The following METTL15 variants were observed in gnomAD, a reference collection of about 807,000 sequenced individuals.
METTL15 encodes methyltransferase 15, mitochondrial 12S rRNA N4-cytidine.
In METTL15, 34 loss-of-function variants were observed where a neutral mutation model predicts 38.3. The ratio of observed to expected loss-of-function variants is 0.89; its 90% CI spans 0.68 to 1.18. METTL15 has a LOEUF of 1.18. Ranked by LOEUF, METTL15 falls within the 50% of genes most tolerant of loss-of-function variation. METTL15 has a pLI of 0.00. For synonymous variants in METTL15, 162 were observed against 170.9 expected (o/e 0.95, Z 0.41); for missense variants, 438 against 498.4 (o/e 0.88, Z 1.15).
chr11:28,532,028 C>T (rs1248892896), downstream of METTL15, among the ~76,000 whole-genome samples: 5 of 152,076 alleles, frequency 3.3e-5, no homozygotes, highest in Admixed American at 6.6e-5. Context: ...TTTAGAAAAA[C>T]GTTAATTTTT....
At chr11:28,199,879 A>T (rs1852045416) in intron 3 of METTL15, among the ~76,000 whole-genome samples, 1 of 151,782 alleles carries the variant, frequency 6.6e-6, no homozygotes, top group African/African-American at 2.4e-5. Context: ...AGTAGCTGGG[A>T]TTACAGGCGC....
At chr11:28,268,196 CAAA>C (rs71050954) in intron 4 of METTL15, among the ~76,000 whole-genome samples, 2 of 64,174 alleles carry the variant, frequency 3.1e-5, no homozygotes, top group African/African-American at 7.3e-5. Context: ...GACTCCGTCT[CAAA>C]AAAAAAAAAA....
At chr11:28,229,222 C>T (rs1853593832) in intron 4 of METTL15, among the ~76,000 whole-genome samples, 1 of 151,812 alleles carries the variant, frequency 6.6e-6, no homozygotes, top group African/African-American at 2.4e-5. Context: ...TGTCATTATG[C>T]TAAGATTTTG....
chr11:28,475,493 C>T (rs1249629445), intron 6 of METTL15, among the ~76,000 whole-genome samples: 4 of 152,176 alleles, frequency 2.6e-5, no homozygotes, highest in African/African-American at 9.7e-5. Flanking sequence ...TGGTCATGGT[C>T]TCGTGGTGTG....
intron 6 of METTL15, among the ~76,000 whole-genome samples, chr11:28,488,512 A>G (rs1851455535): frequency 6.6e-6 from 1 of 152,154 alleles, no homozygotes; most frequent in African/African-American, 2.4e-5. Flanking sequence ...TTTACCACCC[A>G]CTAAAGTTAA....
At chr11:28,403,986 C>T (rs1048432564) in intron 5 of METTL15, among the ~76,000 whole-genome samples, 2 of 151,906 alleles carry the variant, frequency 1.3e-5, no homozygotes, top group Non-Finnish European at 2.9e-5. Flanking sequence ...ATTACTGTAG[C>T]AATAACTTAG....
intron 6 of METTL15, among the ~76,000 whole-genome samples, chr11:28,303,330 G>A (rs1420283975): frequency 6.6e-6 from 1 of 152,074 alleles, no homozygotes; most frequent in Non-Finnish European, 1.5e-5. Context: ...ATTTTCTTTA[G>A]TAAACATAAC....
intron 3 of METTL15, among the ~76,000 whole-genome samples, chr11:28,168,705 A>G (rs539821494): frequency 1.3e-5 from 2 of 151,450 alleles, no homozygotes; most frequent in Admixed American, 1.3e-4. Flanking sequence ...TACAAATATT[A>G]CCCATATTCT....
At chr11:28,302,013 GT>G (rs1856930031) in intron 6 of METTL15, among the ~76,000 whole-genome samples, 2 of 152,108 alleles carry the variant, frequency 1.3e-5, no homozygotes, top group Non-Finnish European at 2.9e-5. Context: ...GGATCAAGCT[GT>G]CCTCCTGACT....
chr11:28,267,689 C>T (rs182049652), intron 4 of METTL15, among the ~76,000 whole-genome samples: 188 of 152,174 alleles, frequency 1.2e-3, no homozygotes, highest in African/African-American at 4.4e-3. Flanking sequence ...GTCTTCTCTA[C>T]GTATACCAAT....
At chr11:28,375,677 C>T (rs1486023422) in intron 5 of METTL15, among the ~76,000 whole-genome samples, 4 of 151,630 alleles carry the variant, frequency 2.6e-5, no homozygotes, top group African/African-American at 4.8e-5. Context: ...TCAGTTCTGC[C>T]CTGATTTTAG....
chr11:28,313,029 T>C lies in METTL15; in HGVS notation c.778+16098T>C, dbSNP rs182947758. On this transcript the variant is annotated intron_variant, in intron 6 of 6. Coordinates refer to ENST00000407364, the MANE Select transcript of METTL15 (RefSeq NM_001113528.2). ...CTCGTATTATTAGTCAGAGTTCATG[T>C]CTCTGTTTTCTATTGTATCACTGAG... is the stretch of plus-strand genomic sequence containing the variant. 2.0e-5 allele frequency among the ~76,000 whole-genome samples: 3 copies of C among 152,124 alleles called. No homozygotes were observed. In the East Asian group the frequency reaches 5.8e-4, roughly 29 times the overall value.
Position 28,165,298 on chromosome 11 carries a change from C to A in METTL15, c.271-45764C>A, listed in dbSNP as rs1462650171. 2.0e-5 allele frequency among the ~76,000 whole-genome samples: 3 copies of A among 151,972 alleles called. No individual in the cohort carries two copies. The East Asian group carries it at 5.8e-4, about 29-fold the overall frequency. On this transcript the variant is annotated intron_variant, in intron 3 of 6. Transcript: ENST00000407364. ...TGGTTGTATTAATTTATCTTCCCACCAACAAAGGGCAAGGATTATTATTTC... is the reference window on the plus strand; with the variant it reads ...TGGTTGTATTAATTTATCTTCCCACAAACAAAGGGCAAGGATTATTATTTC...
Position 28,423,350 on chromosome 11 carries a change from A to G in METTL15, c.*359-949A>G, listed in dbSNP as rs75643227. Among the ~76,000 whole-genome samples the G allele has an allele frequency of 1.3e-3, 198 of 151,874 alleles. 3 individuals carry two copies. The East Asian group carries it at 0.035, about 27-fold the overall frequency. ...CCATCAATCCCAATGCTAGGTAGATACCCCCCCAAAAAAAGAAAATCAATG... is the reference window on the plus strand; with the variant it reads ...CCATCAATCCCAATGCTAGGTAGATGCCCCCCCAAAAAAAGAAAATCAATG... On this transcript the variant is annotated intron_variant and NMD_transcript_variant, in intron 5 of 7. Coordinates refer to the METTL15 transcript ENST00000532947.
chr11:28,282,277 A>G (rs975957313), intron 4 of METTL15, among the ~76,000 whole-genome samples: 7 of 152,144 alleles, frequency 4.6e-5, no homozygotes, highest in African/African-American at 1.7e-4. Context: ...CCTTTAGTCT[A>G]CTTAGGAGTT....
chr11:28,507,791 A>G (rs982482279), intron 6 of METTL15, among the ~76,000 whole-genome samples: 8 of 152,128 alleles, frequency 5.3e-5, no homozygotes, highest in African/African-American at 1.9e-4. Context: ...TTGTCCCGCA[A>G]ACTGCTACTT....
chr11:28,109,969 CT>C (rs1238515683), intron 1 of METTL15, among the ~76,000 whole-genome samples, 196 bp from the exon 2 acceptor site: 19 of 152,192 alleles, frequency 1.2e-4, no homozygotes, highest in African/African-American at 4.3e-4. Flanking sequence ...GAAATTCCCA[CT>C]TTTAGTTAAA....
At chr11:28,272,464 A>G (rs576047518) in intron 4 of METTL15, among the ~76,000 whole-genome samples, 1 of 152,324 alleles carries the variant, frequency 6.6e-6, no homozygotes, top group South Asian at 2.1e-4. Context: ...AAACTAACAC[A>G]GGAACAGAAA....
intron 4 of METTL15, among the ~76,000 whole-genome samples, chr11:28,284,890 G>A (rs1416350471): frequency 2.0e-5 from 3 of 152,072 alleles, no homozygotes; most frequent in Admixed American, 6.6e-5. Context: ...ATATGGTTTG[G>A]CTCTATGTCC....
Sources: gnomAD v4.1 joint callset for allele counts (sites outside exome capture counted in the v4.1 genomes callset) on GRCh38, gnomAD v4.1.1 for gene constraint, MANE v1.5 for transcripts, NCBI Gene and HGNC (gene_info 2026-07-23, HGNC 2026-07-21) for gene names.